Variants in FUNDC1 observed in about 807,000 individuals in gnomAD.
The protein encoded by FUNDC1 is FUN14 domain-containing protein 1.
In FUNDC1, 10 loss-of-function variants were observed where a neutral mutation model predicts 14.5. The ratio of observed to expected loss-of-function variants is 0.69; its 90% CI spans 0.43 to 1.17. FUNDC1 has a LOEUF of 1.17. Ranked by LOEUF, FUNDC1 falls within the 50% of genes most tolerant of loss-of-function variation. The pLI, the probability that FUNDC1 is intolerant of heterozygous loss-of-function variation, is 0.00. For missense variants in FUNDC1, 115 were observed against 113.8 expected (o/e 1.01, Z -0.05); for synonymous variants, 33 against 39.7 (o/e 0.83, Z 0.64).
At chrX:44,533,843 C>T (rs1004029071) in intron 3 of FUNDC1, among the ~76,000 whole-genome samples, 1 of 108,378 alleles carries the variant, frequency 9.2e-6, no homozygotes, top group African/African-American at 3.4e-5. Flanking sequence ...GTGGGTGGAT[C>T]GCTTGAGCTC....
chrX:44,524,009 G>A lies in FUNDC1; in HGVS notation c.*189C>T, dbSNP rs2147469712. On this transcript the variant is annotated 3_prime_UTR_variant, in exon 5 of 5. Coordinates refer to ENST00000378045, the MANE Select transcript of FUNDC1 (RefSeq NM_173794.4). ...ATACTACGGTTCACATACCATATAG[G>A]TTGTTTTACAGCAGATACTAGTTTG... 1 of 424,318 alleles carries A rather than the reference G, an allele frequency of 2.4e-6. No individual in the cohort carries two copies. Among genetic ancestry groups the A allele is most frequent in the East Asian group, 3.9e-5 (1 of 25,712 alleles). 35.0% of individuals were successfully genotyped at this position (424,318 alleles called of 1,213,427 possible).
rs1569187047 is a variant in FUNDC1, at chrX:44,531,291, T to A, written c.262-3926A>T. On this transcript the variant is annotated intron_variant, in intron 3 of 4. Transcript: ENST00000378045. ...ACACACACACACACACACACGGCTT[T>A]CAGATGAAGATTCATGTTGGCCAGA... is the stretch of plus-strand genomic sequence containing the variant. 7.6e-3 allele frequency among the ~76,000 whole-genome samples: 284 copies of A among 37,389 alleles called. 42 individuals carry two copies. The highest frequency in any genetic ancestry group is 0.018 in the African/African-American group (56 of 3,134). 32.5% of individuals were successfully genotyped at this position (37,389 alleles called of 115,157 possible). A position where few individuals can be genotyped will look rare whatever the true frequency, so the allele number is the denominator to read the frequency against.
At chrX:44,531,903 G>C (rs760354417) in intron 3 of FUNDC1, among the ~76,000 whole-genome samples, 2 of 111,107 alleles carry the variant, frequency 1.8e-5, no homozygotes, top group African/African-American at 6.5e-5. Context: ...AGCAATAAAA[G>C]AGCATTAGAT....
At chrX:44,535,817 C>T (rs1253654565) in intron 3 of FUNDC1, among the ~76,000 whole-genome samples, 2 of 107,244 alleles carry the variant, frequency 1.9e-5, no homozygotes, top group Non-Finnish European at 3.8e-5. Flanking sequence ...GAAACCCCAT[C>T]TCTACTAAAA....
At chrX:44,532,347 C>T (rs372384564) in intron 3 of FUNDC1, among the ~76,000 whole-genome samples, 1 of 100,094 alleles carries the variant, frequency 1.0e-5, no homozygotes, top group Admixed American at 1.1e-4. Flanking sequence ...AAGCCAAGAT[C>T]ACACCACTTG....
intron 3 of FUNDC1, among the ~76,000 whole-genome samples, chrX:44,535,004 G>A (rs1280409819): frequency 3.6e-5 from 4 of 111,051 alleles, no homozygotes; most frequent in East Asian, 2.8e-4. Flanking sequence ...AAAAATTAGC[G>A]GGCATGTGGC....
chrX:44,526,066 T>G (rs1175964568), intron 4 of FUNDC1, among the ~76,000 whole-genome samples: 1 of 104,826 alleles, frequency 9.5e-6, no homozygotes, highest in African/African-American at 3.5e-5. Flanking sequence ...ATGATGCCAC[T>G]GCATTCCAGC....
chrX:44,531,696 C>G lies in FUNDC1; in HGVS notation c.262-4331G>C, dbSNP rs749111734. Among the ~76,000 whole-genome samples the G allele has an allele frequency of 7.5e-5, 8 of 106,547 alleles. No individual in the cohort carries two copies. In the South Asian group the frequency reaches 3.3e-3, roughly 45 times the overall value. 92.5% of individuals were successfully genotyped at this position (106,547 alleles called of 115,157 possible). On this transcript the variant is annotated intron_variant, in intron 3 of 4. Transcript: ENST00000378045. ...AAAACTAGAAACCAAAATAAACAAG[C>G]AGGAAAAAGGTTGGGGAGGGGGAAC...
intron 1 of FUNDC1, 166 bp from the exon 2 acceptor site, chrX:44,542,267 G>A: frequency 2.3e-6 from 1 of 440,342 alleles, no homozygotes; most frequent in Non-Finnish European, 3.9e-6. Flanking sequence ...TGAGACCAGG[G>A]CCTCAAGAGT....
intron 3 of FUNDC1, 136 bp downstream of exon 3, chrX:44,538,331 G>T (rs1601904034): frequency 4.1e-6 from 2 of 488,245 alleles, no homozygotes; most frequent in Non-Finnish European, 7.1e-6. Context: ...TAATAACTCA[G>T]AAGTATTTAA....
At chrX:44,539,759 C>G (rs1020568245) in intron 2 of FUNDC1, among the ~76,000 whole-genome samples, 1 of 111,228 alleles carries the variant, frequency 9.0e-6, no homozygotes, top group Non-Finnish European at 1.9e-5. Context: ...CTCCGCCTCC[C>G]GGGTTCAAGC....
chrX:44,530,775 C>G (rs2038919188), intron 3 of FUNDC1, among the ~76,000 whole-genome samples: 1 of 102,534 alleles, frequency 9.8e-6, no homozygotes, highest in South Asian at 4.2e-4. Flanking sequence ...AAAAAACTAG[C>G]TGGGTGTGGT....
In FUNDC1 at chrX:44,524,309, T is replaced by G. The variant is rs768422951; in HGVS notation, c.391-34A>C. On this transcript the variant is annotated intron_variant, in intron 4 of 4. Coordinates refer to ENST00000378045, the MANE Select transcript of FUNDC1 (RefSeq NM_173794.4). ...AAGTTTAAACAAAAATACTCTTAATTATGCTACAACAGGGATGAACCTTGA... is the reference window on the plus strand; with the variant it reads ...AAGTTTAAACAAAAATACTCTTAATGATGCTACAACAGGGATGAACCTTGA... 9.4e-6 allele frequency: 9 copies of G among 957,441 alleles called. No individual in the cohort carries two copies. In the South Asian group the frequency reaches 1.8e-4, roughly 19 times the overall value. 78.9% of individuals were successfully genotyped at this position (957,441 alleles called of 1,213,427 possible).
intron 4 of FUNDC1, among the ~76,000 whole-genome samples, chrX:44,526,183 C>A (rs1208093343): frequency 3.6e-5 from 4 of 111,068 alleles, no homozygotes; most frequent in Non-Finnish European, 7.5e-5. Context: ...CTAATCCCAG[C>A]ACTTCGGGAG....
intron 3 of FUNDC1, among the ~76,000 whole-genome samples, chrX:44,536,632 C>T (rs772254586): frequency 5.4e-5 from 6 of 111,362 alleles, no homozygotes; most frequent in Non-Finnish European, 7.5e-5. Flanking sequence ...ATAGTTCACA[C>T]CTAAAACTGA....
intron 3 of FUNDC1, among the ~76,000 whole-genome samples, chrX:44,530,483 G>A (rs1329808938): frequency 9.1e-6 from 1 of 109,867 alleles, no homozygotes; most frequent in African/African-American, 3.3e-5. Context: ...GCGCATGCCT[G>A]TAATCCCAGC....
At chrX:44,540,542 T>C (rs1162635015) in intron 2 of FUNDC1, among the ~76,000 whole-genome samples, 1 of 110,931 alleles carries the variant, frequency 9.0e-6, no homozygotes, top group Non-Finnish European at 1.9e-5. Context: ...TCCACAAGCA[T>C]GTGTATCCAT....
intron 3 of FUNDC1, 87 bp downstream of exon 3, chrX:44,538,380 C>G (rs1435986607): frequency 1.5e-6 from 1 of 654,005 alleles, no homozygotes; most frequent in East Asian, 3.2e-5. Flanking sequence ...TTCCAAAACT[C>G]ATTGTAGCTC....
At position 44,523,926 on chromosome X, in the gene FUNDC1, T is replaced by C. The variant is rs1277947847; in HGVS notation, c.*272A>G. ...CATCCAATGGTGATATTTTATAGGC[T>C]AGTTTCTAAACAGATGCAAATTTTT... On this transcript the variant is annotated 3_prime_UTR_variant, in exon 5 of 5. Coordinates refer to ENST00000378045, the MANE Select transcript of FUNDC1 (RefSeq NM_173794.4). The C allele has an allele frequency of 3.7e-6, 1 of 267,871 alleles. No individual in the cohort carries two copies. Among genetic ancestry groups the C allele is most frequent in the Non-Finnish European group, 6.6e-6 (1 of 151,543 alleles). The allele number at this position is 267,871 out of a possible 1,213,427, so 22.1% of individuals were successfully genotyped here. A position where few individuals can be genotyped will look rare whatever the true frequency, so the allele number is the denominator to read the frequency against.
Sources: allele counts gnomAD v4.1 joint callset (sites outside exome capture counted in the v4.1 genomes callset), GRCh38; gene constraint gnomAD v4.1.1; transcripts MANE v1.5; gene names NCBI Gene and HGNC (gene_info 2026-07-23, HGNC 2026-07-21).